The following ZIC4 variants were observed in gnomAD, a reference collection of about 807,000 sequenced individuals.
ZIC4 encodes the protein zinc finger protein ZIC 4.
Under a neutral mutation model 28.8 loss-of-function variants are expected in ZIC4, and 15 were observed. The ratio of observed to expected loss-of-function variants is 0.52; its 90% CI spans 0.35 to 0.80. The LOEUF (loss-of-function observed/expected upper bound fraction) is 0.80, where lower values mean the gene tolerates loss of function less well. Ranked by LOEUF, ZIC4 falls within the 30% of genes least tolerant of loss-of-function variation. The pLI is 0.01. For missense variants in ZIC4, 512 were observed against 467.1 expected, an observed-to-expected ratio of 1.10 and a Z score of -0.89; for synonymous variants, 220 against 198.1, an observed-to-expected ratio of 1.11 and a Z score of -0.93.
chr3:147,388,985 G>A (rs1315144405), intron 4 of ZIC4, 126 bp from the exon 5 acceptor site: 1 of 677,552 alleles, frequency 1.5e-6, no homozygotes, highest in Non-Finnish European at 2.7e-6. Context: ...AAAGAAAAAA[G>A]TCCTACTTCA....
At chr3:147,403,797 G>T (rs2087217749) in intron 1 of ZIC4, 5 of 670,886 alleles carry the variant, frequency 7.5e-6, no homozygotes, top group African/African-American at 1.8e-5. Context: ...AAATCCAAGT[G>T]GGACTCTGTT....
intron 2 of ZIC4, among the ~76,000 whole-genome samples, chr3:147,399,090 T>C (rs1037667591): frequency 3.4e-5 from 5 of 146,572 alleles, no homozygotes; most frequent in African/African-American, 1.3e-4. Flanking sequence ...CCTCAGTATT[T>C]AAAAAAAAAA....
Position 147,396,442 on chromosome 3 carries a change from TG to T in ZIC4, c.97del (p.Gln33SerfsTer27). ...SSSSSGHHGP[Q>X]LTAASSPSVF... ...CGAGGGGCTGGAGGCGGCGGTGAGCTGGGGGCCATGGTGTCCAGAGCTGCTA... is the reference window on the plus strand; with the variant it reads ...CGAGGGGCTGGAGGCGGCGGTGAGCTGGGGCCATGGTGTCCAGAGCTGCTA... On this transcript the variant is annotated frameshift_variant, in exon 3 of 5. Transcript: ENST00000383075. LOFTEE classifies it high-confidence loss of function. The surrounding 1 kb of genome is among the most constrained non-coding windows in gnomAD (Gnocchi z 4.2). The T allele has an allele frequency of 2.6e-6, 4 of 1,519,730 alleles. No homozygotes were observed. The highest frequency in any genetic ancestry group is 1.3e-5 in the South Asian group (1 of 75,190). 94.1% of individuals were successfully genotyped at this position (1,519,730 alleles called of 1,614,324 possible). A position where few individuals can be genotyped will look rare whatever the true frequency, so the allele number is the denominator to read the frequency against.
chr3:147,389,824 A>G (rs1362763728), intron 4 of ZIC4, among the ~76,000 whole-genome samples: 1 of 152,160 alleles, frequency 6.6e-6, no homozygotes, highest in Non-Finnish European at 1.5e-5. Context: ...TTACTAACAA[A>G]GACCATCACC....
In ZIC4 at chr3:147,391,067, G is replaced by A. The variant is rs1323928433; in HGVS notation, c.868C>T (p.Arg290Cys). Residue 290 changes from arginine to cysteine, a missense_variant, in exon 4 of 5, where the codon CGC (arginine) becomes TGC (cysteine). Arg to Cys is a radical substitution (Grantham distance 180). Coordinates refer to ENST00000383075, the MANE Select transcript of ZIC4 (RefSeq NM_032153.6). ...TAGCCAGAGCTGGGCGGCGGCGAGC[G>A]CCCGTGCACCTTCATGTGCTTACGC... ...SLRKHMKVHG[R>C]SPPPSSGYDS... 6.2e-7 allele frequency: 1 copy of A among 1,613,806 alleles called. No individual in the cohort carries two copies. The highest frequency in any genetic ancestry group is 8.5e-7 in the Non-Finnish European group (1 of 1,180,034).
At chr3:147,399,352 A>T (rs541903253) in intron 2 of ZIC4, among the ~76,000 whole-genome samples, 4 of 152,172 alleles carry the variant, frequency 2.6e-5, no homozygotes, top group Non-Finnish European at 5.9e-5. Context: ...TTCACCTCCC[A>T]GGTGTATGTT....
In ZIC4 at chr3:147,402,829, G is replaced by T. The variant is rs753356295; in HGVS notation, c.-15-17C>A. 5.0e-6 allele frequency: 8 copies of T among 1,609,968 alleles called. No individual in the cohort carries two copies. The highest frequency in any genetic ancestry group is 5.9e-6 in the Non-Finnish European group (7 of 1,177,070). On this transcript the variant is annotated splice_polypyrimidine_tract_variant and intron_variant, in intron 1 of 4. Transcript: ENST00000383075. ...ACTTTGAGCCTGTTTGGGAAGAAAAGAGTGACAGTCACTAGTTAAACAATT... is the reference window on the plus strand; with the variant it reads ...ACTTTGAGCCTGTTTGGGAAGAAAATAGTGACAGTCACTAGTTAAACAATT...
chr3:147,389,620 G>A (rs966892923), intron 4 of ZIC4, among the ~76,000 whole-genome samples: 11 of 151,964 alleles, frequency 7.2e-5, no homozygotes, highest in African/African-American at 2.7e-4. Flanking sequence ...TTTCCCTTTG[G>A]CCGCAATTGC....
In ZIC4 at chr3:147,404,249, C is replaced by T. The variant is rs922729769; in HGVS notation, c.-15-1437G>A. On this transcript the variant is annotated intron_variant, in intron 1 of 4. Coordinates refer to ENST00000383075, the MANE Select transcript of ZIC4 (RefSeq NM_032153.6). ...GATCCCTGTCCACCCATAAGGCAGC[C>T]CCAACCCAACTTCTAAGAGGTCTGG... The T allele has an allele frequency of 5.6e-6, 8 of 1,438,632 alleles. No homozygotes were observed. The Admixed American group carries it at 1.4e-4, about 25-fold the overall frequency. 89.1% of individuals were successfully genotyped at this position (1,438,632 alleles called of 1,614,324 possible). A position where few individuals can be genotyped will look rare whatever the true frequency, so the allele number is the denominator to read the frequency against.
rs557138306 is a variant in ZIC4 at position 147,397,867 on chromosome 3, G to A, written c.71-1398C>T. On this transcript the variant is annotated intron_variant, in intron 2 of 4. Coordinates refer to ENST00000383075, the MANE Select transcript of ZIC4 (RefSeq NM_032153.6). ...TCGTCTCTCTTATTTTCCCCAAAAC[G>A]TCTACCTCACTTCGTCTTCCTTTCT... Among the ~76,000 whole-genome samples the A allele has an allele frequency of 8.9e-4, 136 of 152,076 alleles. 2 individuals are homozygous for A. Among genetic ancestry groups the A allele is most frequent in the African/African-American group, 3.1e-3 (128 of 41,462 alleles).
intron 3 of ZIC4, 91 bp from the exon 4 acceptor site, chr3:147,391,337 GA>G: frequency 7.2e-7 from 1 of 1,396,382 alleles, no homozygotes; most frequent in Admixed American, 2.8e-5. Flanking sequence ...TCATTTTCTG[GA>G]AAAGAACTAC....
intron 3 of ZIC4, chr3:147,393,811 G>A: frequency 2.2e-6 from 1 of 451,188 alleles, no homozygotes; most frequent in Non-Finnish European, 4.5e-6. Context: ...GGGTGGCGGT[G>A]GCCAGGCCGA....
chr3:147,389,019 G>A lies in ZIC4; in HGVS notation c.*-160C>T, dbSNP rs2086851494. 13 of 625,696 alleles carry A rather than the reference G, an allele frequency of 2.1e-5. No individual in the cohort carries two copies. In the South Asian group the frequency reaches 2.6e-4, roughly 12 times the overall value. 38.8% of individuals were successfully genotyped at this position (625,696 alleles called of 1,614,324 possible). A position where few individuals can be genotyped will look rare whatever the true frequency, so the allele number is the denominator to read the frequency against. The stretch of plus-strand genomic sequence containing the variant: ...CAGGAAGGGGGACTTTTTAAACATT[G>A]GCAGAAGCAGCAAGTTCCGCAAATG... On this transcript the variant is annotated intron_variant, in intron 4 of 4. Coordinates refer to ENST00000383075, the MANE Select transcript of ZIC4 (RefSeq NM_032153.6).
chr3:147,387,621 C>T lies in ZIC4; in HGVS notation c.*1238G>A, dbSNP rs2086818771. ...AACAAGACAATTAAGGGAACATGGA[C>T]TTCTAACTTTCCTGCCATCTTCCCC... On this transcript the variant is annotated 3_prime_UTR_variant, in exon 5 of 5. Transcript: ENST00000383075. The T allele has an allele frequency of 6.6e-6, 1 of 152,600 alleles. No homozygotes were observed. The highest frequency in any genetic ancestry group is 1.5e-5 in the Non-Finnish European group (1 of 68,038). 9.5% of individuals were successfully genotyped at this position (152,600 alleles called of 1,614,324 possible).
chr3:147,404,293 C>G, intron 1 of ZIC4: 1 of 1,416,124 alleles, frequency 7.1e-7, no homozygotes, highest in Non-Finnish European at 9.2e-7. Context: ...TCTCCCAGGT[C>G]CTGTCAGCCT....
chr3:147,405,268 C>T, intron 1 of ZIC4: 2 of 1,118,476 alleles, frequency 1.8e-6, no homozygotes, highest in Non-Finnish European at 2.5e-6. Flanking sequence ...TTTGAATCAC[C>T]CCTCCCCCAA....
At chr3:147,404,268 G>C in intron 1 of ZIC4, 2 of 1,430,132 alleles carry the variant, frequency 1.4e-6, no homozygotes, top group Non-Finnish European at 1.8e-6. Flanking sequence ...ACTTCTAAGA[G>C]GTCTGGATCA....
At position 147,390,963 on chromosome 3, in the gene ZIC4, C is replaced by A. The variant is rs1179413363; in HGVS notation, c.972G>T (p.Ala324=). ...TCAAGTCGGCGGTACGCGCCGCCAC[C>A]GCCGCCGAGGAGGCCACCTGGGACT... ...GHKSQVASSA[A]VAARTADLSE Residue 324 remains alanine, a synonymous_variant, in exon 4 of 5, where the codon GCG becomes GCT. Transcript: ENST00000383075. The A allele has an allele frequency of 1.9e-6, 3 of 1,611,654 alleles. No individual in the cohort carries two copies. The highest frequency in any genetic ancestry group is 1.7e-6 in the Non-Finnish European group (2 of 1,179,152).
At chr3:147,390,679 A>T (rs2086892576) in intron 4 of ZIC4, among the ~76,000 whole-genome samples, 1 of 152,180 alleles carries the variant, frequency 6.6e-6, no homozygotes, top group South Asian at 2.1e-4. Flanking sequence ...AATAATGGAC[A>T]TTATATTAGC....
Sources: allele counts gnomAD v4.1 joint callset (sites outside exome capture counted in the v4.1 genomes callset), GRCh38; gene constraint gnomAD v4.1.1; non-coding constraint Gnocchi (gnomAD v3.1); transcripts MANE v1.5; gene names NCBI Gene and HGNC (gene_info 2026-07-23, HGNC 2026-07-21).